CNIH3: variants seen among roughly 807,000 people sequenced by gnomAD.
CNIH3 encodes the protein cornichon family AMPA receptor auxiliary protein 3.
A neutral mutation model predicts 24.1 loss-of-function variants in CNIH3; 14 were observed. That is an observed-to-expected ratio of 0.58 (90% CI 0.38 to 0.91). The LOEUF (loss-of-function observed/expected upper bound fraction) is 0.91, where lower values mean the gene tolerates loss of function less well. Among genes scored for constraint, CNIH3 ranks in the 40% least tolerant of loss-of-function variants. CNIH3 has a pLI of 0.00. For synonymous variants in CNIH3, 68 were observed against 73.8 expected (o/e 0.92, Z 0.40); for missense variants, 178 against 196.8 (o/e 0.90, Z 0.57).
intron 1 of CNIH3, among the ~76,000 whole-genome samples, chr1:224,500,017 T>C (rs886513180): frequency 1.3e-5 from 2 of 152,016 alleles, no homozygotes; most frequent in African/African-American, 4.8e-5. Context: ...TTCTTTTTTC[T>C]TTTTGAGACA....
In CNIH3 at chr1:224,489,641, T is replaced by C. The variant is rs191576171; in HGVS notation, n.204-26100T>C. 3.5e-4 allele frequency among the ~76,000 whole-genome samples: 53 copies of C among 152,364 alleles called. 1 individual carries two copies. In the East Asian group the frequency reaches 6.9e-3, roughly 20 times the overall value. On this transcript the variant is annotated intron_variant and non_coding_transcript_variant, in intron 1 of 5. Transcript: ENST00000471578. Reference sequence around the variant, plus strand: ...CTCACTGTTGTTATCTGTGAGAACATTGGTCTGATAGGAGCTATTAATACA... The same window carrying C: ...CTCACTGTTGTTATCTGTGAGAACACTGGTCTGATAGGAGCTATTAATACA...
intron 1 of CNIH3, among the ~76,000 whole-genome samples, chr1:224,483,470 C>A (rs1676895221): frequency 6.6e-6 from 1 of 151,478 alleles, no homozygotes; most frequent in Non-Finnish European, 1.5e-5. Context: ...CTCACCGCAA[C>A]CTCCGCCTCC....
At chr1:224,500,896 G>A (rs4653589) in intron 1 of CNIH3, among the ~76,000 whole-genome samples, 108,192 of 151,934 alleles carry the variant, frequency 0.71, 40,120 homozygotes, top group Middle Eastern at 0.86. Context: ...GATGGAAGAA[G>A]GGGGGCTGGA....
At chr1:224,588,816 T>TA (rs1187452852), downstream of CNIH3, among the ~76,000 whole-genome samples, 1 of 151,190 alleles carries the variant, frequency 6.6e-6, no homozygotes, top group Non-Finnish European at 1.5e-5. Flanking sequence ...TTCTAGGAGT[T>TA]AAAAAAAAGA....
intron 1 of CNIH3, chr1:224,434,964 C>T (rs1178855493): frequency 4.1e-6 from 4 of 985,500 alleles, no homozygotes. Flanking sequence ...CGCCCCGACC[C>T]CATCCACGAC....
intron 3 of CNIH3, among the ~76,000 whole-genome samples, chr1:224,722,924 T>C (rs957257765): frequency 2.0e-5 from 3 of 152,186 alleles, no homozygotes; most frequent in African/African-American, 7.2e-5. Flanking sequence ...GTGTTGTGCA[T>C]ACGTGCTTTT....
At chr1:224,600,978 T>C (rs1451552039) in intron 3 of CNIH3, among the ~76,000 whole-genome samples, 1 of 152,198 alleles carries the variant, frequency 6.6e-6, no homozygotes, top group Non-Finnish European at 1.5e-5. Flanking sequence ...TGCAGCAACC[T>C]CAATTCTTGC....
chr1:224,643,299 C>T (rs567725167), intron 1 of CNIH3, among the ~76,000 whole-genome samples: 3 of 152,336 alleles, frequency 2.0e-5, no homozygotes, highest in East Asian at 1.9e-4. Context: ...CACTCCAGTA[C>T]GGTGGTTTCT....
intron 3 of CNIH3, among the ~76,000 whole-genome samples, chr1:224,548,632 C>T (rs1281877846): frequency 6.6e-6 from 1 of 151,784 alleles, no homozygotes; most frequent in Non-Finnish European, 1.5e-5. Context: ...TGTGTACATC[C>T]TGTAATATTA....
At chr1:224,720,799 C>T (rs925169290) in intron 3 of CNIH3, among the ~76,000 whole-genome samples, 5 of 152,100 alleles carry the variant, frequency 3.3e-5, no homozygotes, top group East Asian at 1.9e-4. Flanking sequence ...GATTTCCAGT[C>T]GCCATGTCGT....
chr1:224,572,103 C>A (rs1281956726), intron 4 of CNIH3, among the ~76,000 whole-genome samples: 1 of 152,178 alleles, frequency 6.6e-6, no homozygotes, highest in African/African-American at 2.4e-5. Flanking sequence ...GGATTAACCA[C>A]ACTGCAGAAC....
intron 5 of CNIH3, among the ~76,000 whole-genome samples, chr1:224,735,048 G>C (rs553402449): frequency 6.6e-6 from 1 of 152,064 alleles, no homozygotes; most frequent in Admixed American, 6.5e-5. Context: ...CGACTTTGCA[G>C]CTCAGCCCAG....
intron 1 of CNIH3, among the ~76,000 whole-genome samples, chr1:224,463,238 C>T (rs1322474161): frequency 6.6e-6 from 1 of 152,118 alleles, no homozygotes; most frequent in East Asian, 1.9e-4. Context: ...TTACAAAGTG[C>T]TTGTACTGTT....
At chr1:224,574,684 A>T (rs1406855871) in intron 4 of CNIH3, 2 of 1,125,572 alleles carry the variant, frequency 1.8e-6, no homozygotes, top group Non-Finnish European at 2.7e-6. Flanking sequence ...TGAGCGTACC[A>T]TGAGAAGGGC....
At chr1:224,486,872 A>G (rs910042484) in intron 1 of CNIH3, among the ~76,000 whole-genome samples, 1 of 152,242 alleles carries the variant, frequency 6.6e-6, no homozygotes, top group African/African-American at 2.4e-5. Flanking sequence ...TATTATGATT[A>G]TGACAGATGC....
Position 224,463,773 on chromosome 1 carries a change from A to T in CNIH3, n.203+28911A>T, listed in dbSNP as rs1274113082. Among the ~76,000 whole-genome samples, 92 of 20,714 alleles carry T rather than the reference A, an allele frequency of 4.4e-3. 1 individual carries two copies. Among genetic ancestry groups the T allele is most frequent in the African/African-American group, 0.017 (66 of 3,906 alleles). The allele number at this position is 20,714 out of a possible 152,430, so 13.6% of individuals were successfully genotyped here. A position where few individuals can be genotyped will look rare whatever the true frequency, so the allele number is the denominator to read the frequency against. ...TTCTCCCAGCTTATGAATTGTCCTC[A>T]TTTTTTTTTTTTTTTTTTTTTTTTT... is the stretch of plus-strand genomic sequence containing the variant. On this transcript the variant is annotated intron_variant and non_coding_transcript_variant, in intron 1 of 5. Transcript: ENST00000471578.
At chr1:224,531,731 G>C (rs1480442784) in intron 2 of CNIH3, among the ~76,000 whole-genome samples, 1 of 152,224 alleles carries the variant, frequency 6.6e-6, no homozygotes, top group Non-Finnish European at 1.5e-5. Context: ...GAGAATATGT[G>C]TGTGAGTTCT....
chr1:224,499,901 C>CAAA (rs58546932), intron 1 of CNIH3, among the ~76,000 whole-genome samples: 46 of 120,868 alleles, frequency 3.8e-4, no homozygotes, highest in African/African-American at 1.1e-3. Context: ...CTATCTCTAC[C>CAAA]AAAAAAAAAA....
chr1:224,606,132 G>A (rs1038247201), intron 3 of CNIH3, among the ~76,000 whole-genome samples: 2 of 151,996 alleles, frequency 1.3e-5, no homozygotes, highest in Non-Finnish European at 2.9e-5. Flanking sequence ...TCTGGGGGTG[G>A]GTACTTGCGA....
Sources: gnomAD v4.1 joint callset for allele counts (sites outside exome capture counted in the v4.1 genomes callset) on GRCh38, gnomAD v4.1.1 for gene constraint, MANE v1.5 for transcripts, NCBI Gene and HGNC (gene_info 2026-07-23, HGNC 2026-07-21) for gene names.